The following ACTR5 variants were observed in gnomAD, a reference collection of about 807,000 sequenced individuals.
ACTR5 encodes the protein actin related protein 5, also known as actin-related protein 5.
ACTR5 carries 43 observed loss-of-function variants against 61.2 expected under a neutral mutation model. The observed-to-expected ratio is 0.70, with a 90% CI of 0.55 to 0.91. The LOEUF (loss-of-function observed/expected upper bound fraction) is 0.91. Ranked by LOEUF, ACTR5 falls within the 40% of genes least tolerant of loss-of-function variation. ACTR5 has a pLI of 0.00. For synonymous variants in ACTR5, 333 were observed against 310.5 expected (o/e 1.07, Z -0.76); for missense variants, 798 against 782.2 (o/e 1.02, Z -0.24).
rs1362787786 is a variant in ACTR5 at position 38,755,027 on chromosome 20, C to T, written c.846C>T (p.Ser282=). 6.2e-7 allele frequency: 1 copy of T among 1,614,266 alleles called. No homozygotes were observed. The highest frequency in any genetic ancestry group is 2.2e-5 in the East Asian group (1 of 44,884). The part of the protein sequence containing the change: ...NVHKMQLPFS[S]KLLGSTLTSE... ...ACAAGATGCAGCTCCCATTTTCCAG[C>T]AAGCTCCTGGGCAGCACTCTGACCT... Residue 282 remains serine (S), a synonymous_variant, in exon 4 of 9, where the codon AGC becomes AGT. Coordinates refer to ENST00000243903, the MANE Select transcript of ACTR5 (RefSeq NM_024855.4).
intron 3 of ACTR5, among the ~76,000 whole-genome samples, chr20:38,753,873 C>CTTTTTTTTCTTTTTTTTTTTTTTT (rs1161339872): frequency 1.7e-5 from 2 of 116,774 alleles, no homozygotes; most frequent in Non-Finnish European, 3.5e-5. Context: ...GTTATTCGAG[C>CTTTTTTTTCTTTTTTTTTTTTTTT]TTTTTTTTTT....
intron 3 of ACTR5, among the ~76,000 whole-genome samples, chr20:38,753,875 T>TTTTTTTCTTTC (rs2084401484): frequency 1.2e-5 from 1 of 85,392 alleles, no homozygotes; most frequent in Non-Finnish European, 2.7e-5. Context: ...TATTCGAGCT[T>TTTTTTTCTTTC]TTTTTTTTTT....
intron 8 of ACTR5, among the ~76,000 whole-genome samples, chr20:38,771,270 G>A (rs75610972): frequency 0.021 from 3,187 of 152,324 alleles, 47 homozygotes; most frequent in Non-Finnish European, 0.031. Context: ...ACAGCTTGTG[G>A]TTGACAGCAT....
chr20:38,755,948 A>G lies in ACTR5; in HGVS notation c.1085A>G (p.Gln362Arg), dbSNP rs750612278. 6.2e-7 allele frequency: 1 copy of G among 1,614,242 alleles called. No individual in the cohort carries two copies. The highest frequency in any genetic ancestry group is 2.2e-5 in the East Asian group (1 of 44,892). The change falls in exon 5 of 9, where the codon CAG becomes CGG. Residue 362 changes from glutamine (Q) to arginine (R), a missense_variant. By Grantham distance (43) the Gln-to-Arg change is conservative. Transcript: ENST00000243903. The stretch of plus-strand genomic sequence containing the variant: ...CCAGAAGAGCTGCAGTCCTACATCC[A>G]GAAGCTCAGTATAGCAGTGGAGCAG... ...DSPEELQSYI[Q>R]KLSIAVEQAK...
intron 8 of ACTR5, among the ~76,000 whole-genome samples, chr20:38,769,415 G>C (rs1035317585): frequency 6.6e-6 from 1 of 152,216 alleles, no homozygotes; most frequent in African/African-American, 2.4e-5. Flanking sequence ...GAGTTGATGT[G>C]AAAGAGGCTA....
chr20:38,760,149 G>A (rs1185654843), intron 5 of ACTR5, among the ~76,000 whole-genome samples: 1 of 148,442 alleles, frequency 6.7e-6, no homozygotes, highest in African/African-American at 2.5e-5. Flanking sequence ...ACAAGACCCT[G>A]TCTAAAAAAA....
At chr20:38,757,912 C>T (rs2084430109) in intron 5 of ACTR5, among the ~76,000 whole-genome samples, 1 of 151,442 alleles carries the variant, frequency 6.6e-6, no homozygotes, top group East Asian at 1.9e-4. Context: ...TTCCATTTTG[C>T]TTCTCTTGGT....
At chr20:38,757,375 A>C (rs1011507700) in intron 5 of ACTR5, among the ~76,000 whole-genome samples, 1 of 152,170 alleles carries the variant, frequency 6.6e-6, no homozygotes, top group Non-Finnish European at 1.5e-5. Flanking sequence ...GTAAGTGTAC[A>C]TCCTGTTCCT....
Position 38,750,194 on chromosome 20 carries a change from C to T in ACTR5, c.560C>T (p.Ser187Leu). 1.9e-6 allele frequency: 3 copies of T among 1,614,234 alleles called. No individual in the cohort carries two copies. The highest frequency in any genetic ancestry group is 2.5e-6 in the Non-Finnish European group (3 of 1,180,030). ...TCGATGTGCAGTGGGCTAATCATTT[C>T]ATCTGGATACCAGTGTACGCATGTT... is the stretch of plus-strand genomic sequence containing the variant. ...KNSMCSGLII[S>L]SGYQCTHVLP... The change falls in exon 2 of 9, where the codon TCA becomes TTA. Residue 187 changes from serine (S) to leucine (L), a missense_variant. By Grantham distance (145) the Ser-to-Leu change is moderately radical (BLOSUM62 -2). Coordinates refer to ENST00000243903, the MANE Select transcript of ACTR5 (RefSeq NM_024855.4).
At chr20:38,767,081 A>G (rs1434080169) in intron 7 of ACTR5, among the ~76,000 whole-genome samples, 1 of 152,236 alleles carries the variant, frequency 6.6e-6, no homozygotes, top group Non-Finnish European at 1.5e-5. Context: ...AAAGGGAGGC[A>G]TGGCTTTTGG....
chr20:38,755,783 C>T (rs948088750), intron 4 of ACTR5, 74 bp from the exon 5 acceptor site: 8 of 1,564,020 alleles, frequency 5.1e-6, no homozygotes, highest in African/African-American at 1.4e-5. Context: ...CTCTGGAAGC[C>T]CTCTCCAGCT....
At chr20:38,771,382 A>T (rs1311170286) in intron 8 of ACTR5, among the ~76,000 whole-genome samples, 177 bp from the exon 9 acceptor site, 1 of 152,230 alleles carries the variant, frequency 6.6e-6, no homozygotes, top group Non-Finnish European at 1.5e-5. Context: ...GAGTCTGGGC[A>T]TTCCAGCTCA....
At chr20:38,749,138 A>G (rs1017354321) in intron 1 of ACTR5, among the ~76,000 whole-genome samples, 1 of 152,240 alleles carries the variant, frequency 6.6e-6, no homozygotes. Context: ...CATTTGGAGT[A>G]CATGTGTGAA....
intron 2 of ACTR5, 85 bp from the exon 3 acceptor site, chr20:38,752,046 C>T: frequency 1.4e-6 from 2 of 1,449,356 alleles, no homozygotes; most frequent in Non-Finnish European, 1.9e-6. Context: ...TCTTTATCTG[C>T]CTTAAATTAT....
At chr20:38,749,185 A>G (rs936317104) in intron 1 of ACTR5, among the ~76,000 whole-genome samples, 2 of 152,334 alleles carry the variant, frequency 1.3e-5, no homozygotes, top group East Asian at 1.9e-4. Flanking sequence ...TGTTAATACT[A>G]TGGAAAGATA....
Position 38,756,019 on chromosome 20 carries a change from G to A in ACTR5, c.1156G>A (p.Val386Met), listed in dbSNP as rs1199197393. The change falls in exon 5 of 9, where the codon GTG becomes ATG. Residue 386 changes from valine (V) to methionine (M), a missense_variant. Transcript: ENST00000243903. ...LQAEVNLEVD[V>M]VDSKPETPDL... ...AGCGGAAGTCAACCTCGAGGTGGAT[G>A]TGGTAGACAGCAAGCCAGAGGTAAC... is the stretch of plus-strand genomic sequence containing the variant. The A allele has an allele frequency of 6.2e-7, 1 of 1,612,998 alleles. No homozygotes were observed. Among genetic ancestry groups the A allele is most frequent in the Non-Finnish European group, 8.5e-7 (1 of 1,179,890 alleles).
chr20:38,757,701 C>T (rs576311749), intron 5 of ACTR5, among the ~76,000 whole-genome samples: 85 of 151,604 alleles, frequency 5.6e-4, no homozygotes, highest in Admixed American at 4.3e-3. Context: ...CTGCTCTCAC[C>T]GTTGCATCCT....
Position 38,750,046 on chromosome 20 carries a change from G to A in ACTR5, c.412G>A (p.Val138Met), listed in dbSNP as rs1170650251. The change falls in exon 2 of 9, where the codon GTG becomes ATG. Residue 138 changes from valine to methionine, a missense_variant. Transcript: ENST00000243903. ...VDHPIVLTEA[V>M]CNPLYSRQMM... ...TCATCCCATAGTTTTGACAGAAGCT[G>A]TGTGCAACCCACTGTATTCACGGCA... 2.5e-6 allele frequency: 4 copies of A among 1,614,062 alleles called. No individual in the cohort carries two copies. The highest frequency in any genetic ancestry group is 3.4e-6 in the Non-Finnish European group (4 of 1,180,026).
chr20:38,766,326 TAGG>T lies in ACTR5; in HGVS notation c.1385_1387del (p.Gly462del), dbSNP rs2084486257. 6.2e-7 allele frequency: 1 copy of T among 1,614,082 alleles called. No individual in the cohort carries two copies. The highest frequency in any genetic ancestry group is 1.7e-5 in the Admixed American group (1 of 59,968). On this transcript the variant is annotated inframe_deletion, in exon 7 of 9. Transcript: ENST00000243903. ...GAGATTATTTTCCAGCCATCTCTCATAGGAGAAGAACAGGCTGGGATTGCAGAG... is the reference window on the plus strand; with the variant it reads ...GAGATTATTTTCCAGCCATCTCTCATAGAAGAACAGGCTGGGATTGCAGAG...
Sources: gnomAD v4.1 joint callset for allele counts (sites outside exome capture counted in the v4.1 genomes callset) on GRCh38, gnomAD v4.1.1 for gene constraint, MANE v1.5 for transcripts, NCBI Gene and HGNC (gene_info 2026-07-23, HGNC 2026-07-21) for gene names.